KCNIP4: variants seen among roughly 807,000 people sequenced by gnomAD.
KCNIP4 encodes Kv channel-interacting protein 4.
In KCNIP4, 12 loss-of-function variants were observed where a neutral mutation model predicts 34.0. The observed-to-expected ratio is 0.35, with a 90% CI of 0.23 to 0.57. The LOEUF is 0.57. Among genes scored for constraint, KCNIP4 ranks in the 20% least tolerant of loss-of-function variants. The pLI is 0.83. For missense variants in KCNIP4, 238 were observed against 311.7 expected (o/e 0.76, Z 1.78); for synonymous variants, 124 against 102.2 (o/e 1.21, Z -1.29).
chr4:21,519,393 T>TAC (rs1219118032), intron 1 of KCNIP4, among the ~76,000 whole-genome samples: 3,856 of 85,370 alleles, frequency 0.045, 428 homozygotes, highest in Non-Finnish European at 0.06. Flanking sequence ...TGTGTATATA[T>TAC]ACATATGTGT....
intron 1 of KCNIP4, among the ~76,000 whole-genome samples, chr4:21,534,932 C>G (rs1737022849): frequency 6.6e-6 from 1 of 152,128 alleles, no homozygotes. Flanking sequence ...TTGAATTGTT[C>G]AAGGTCAAAC....
rs144440285 is a variant in KCNIP4, at chr4:21,137,871, C to CTTTTTTTTTTTTTT, written c.62-255163_62-255162insAAAAAAAAAAAAAA. 4.1e-4 allele frequency among the ~76,000 whole-genome samples: 48 copies of CTTTTTTTTTTTTTT among 118,136 alleles called. 5 individuals are homozygous for CTTTTTTTTTTTTTT. Among genetic ancestry groups the CTTTTTTTTTTTTTT allele is most frequent in the Non-Finnish European group, 4.9e-4 (29 of 59,710 alleles). The allele number at this position is 118,136 out of a possible 152,430, so 77.5% of individuals were successfully genotyped here. Reference sequence around the variant, plus strand: ...ATGAAGGCTTTTTCCCTTACACAGGCTTTTTTGTTTTTTTTTTTTTGATGG... The same window carrying CTTTTTTTTTTTTTT: ...ATGAAGGCTTTTTCCCTTACACAGGCTTTTTTTTTTTTTTTTTTTTGTTTTTTTTTTTTTGATGG... On this transcript the variant is annotated intron_variant, in intron 1 of 8. Coordinates refer to ENST00000382152, the MANE Select transcript of KCNIP4 (RefSeq NM_025221.6).
chr4:21,239,061 A>G (rs1157323481), intron 1 of KCNIP4, among the ~76,000 whole-genome samples: 1 of 152,216 alleles, frequency 6.6e-6, no homozygotes, highest in South Asian at 2.1e-4. Context: ...AGCCCTCAGA[A>G]ATAATGCTGC....
chr4:21,688,752 G>C (rs1380025267), intron 1 of KCNIP4, among the ~76,000 whole-genome samples: 2 of 152,070 alleles, frequency 1.3e-5, no homozygotes, highest in East Asian at 3.9e-4. Context: ...CAATCGGGTT[G>C]TCTGGACCAT....
At chr4:21,503,619 G>C (rs751756219) in intron 1 of KCNIP4, among the ~76,000 whole-genome samples, 3 of 152,152 alleles carry the variant, frequency 2.0e-5, no homozygotes, top group Non-Finnish European at 4.4e-5. Flanking sequence ...AAGGTAGTCA[G>C]TGGCTGAAAT....
intron 1 of KCNIP4, among the ~76,000 whole-genome samples, chr4:20,908,786 G>C (rs902119921): frequency 6.6e-6 from 1 of 152,172 alleles, no homozygotes; most frequent in African/African-American, 2.4e-5. Context: ...TGCTGCTAAG[G>C]CTCAGTTTCC....
chr4:21,444,475 G>A (rs1376589779), intron 1 of KCNIP4, among the ~76,000 whole-genome samples: 3 of 152,074 alleles, frequency 2.0e-5, no homozygotes, highest in Non-Finnish European at 4.4e-5. Context: ...TTCAACATAC[G>A]CAAATCAGTA....
intron 1 of KCNIP4, among the ~76,000 whole-genome samples, chr4:21,554,721 TC>T (rs1238056557): frequency 6.6e-6 from 1 of 152,068 alleles, no homozygotes; most frequent in Non-Finnish European, 1.5e-5. Context: ...CACTCACACT[TC>T]CTCCATGCTC....
At chr4:21,533,774 A>G (rs1442896766) in intron 1 of KCNIP4, among the ~76,000 whole-genome samples, 1 of 152,194 alleles carries the variant, frequency 6.6e-6, no homozygotes, top group Non-Finnish European at 1.5e-5. Flanking sequence ...GATGTAAAAG[A>G]AATGAATCTG....
At chr4:21,855,099 C>A (rs1413170875) in intron 1 of KCNIP4, among the ~76,000 whole-genome samples, 1 of 152,198 alleles carries the variant, frequency 6.6e-6, no homozygotes, top group Non-Finnish European at 1.5e-5. Flanking sequence ...TAAACATCGT[C>A]TTTAAGCAAC....
chr4:21,293,069 T>C (rs1331939577), intron 1 of KCNIP4, among the ~76,000 whole-genome samples: 2 of 152,188 alleles, frequency 1.3e-5, no homozygotes, highest in African/African-American at 4.8e-5. Flanking sequence ...AGGACATGGA[T>C]AGATAACCAT....
intron 1 of KCNIP4, among the ~76,000 whole-genome samples, chr4:20,937,349 C>T (rs1188905683): frequency 6.7e-6 from 1 of 150,262 alleles, no homozygotes; most frequent in Non-Finnish European, 1.5e-5. Context: ...ATTCTCCTGC[C>T]TCAGCCTCCC....
chr4:21,153,463 C>T (rs1421367400), intron 1 of KCNIP4, among the ~76,000 whole-genome samples: 2 of 148,962 alleles, frequency 1.3e-5, no homozygotes, highest in East Asian at 3.9e-4. Flanking sequence ...CTCTCTCTCT[C>T]TCTTTATATA....
chr4:21,748,973 T>G (rs1178805144), intron 1 of KCNIP4, among the ~76,000 whole-genome samples: 1 of 152,164 alleles, frequency 6.6e-6, no homozygotes, highest in Non-Finnish European at 1.5e-5. Context: ...ATACTGCTTT[T>G]ATAACATTCC....
chr4:21,391,522 C>T (rs1310820772), intron 1 of KCNIP4, among the ~76,000 whole-genome samples: 1 of 152,140 alleles, frequency 6.6e-6, no homozygotes, highest in Non-Finnish European at 1.5e-5. Flanking sequence ...CCTAAATGCA[C>T]ATCTTTGATG....
intron 1 of KCNIP4, among the ~76,000 whole-genome samples, chr4:21,658,143 G>A (rs1748125632): frequency 6.6e-6 from 1 of 152,020 alleles, no homozygotes; most frequent in Non-Finnish European, 1.5e-5. Context: ...CAGCCTAAAT[G>A]TAATTTTATT....
chr4:20,996,587 C>A (rs1422017149), intron 1 of KCNIP4, among the ~76,000 whole-genome samples: 1 of 152,158 alleles, frequency 6.6e-6, no homozygotes, highest in Non-Finnish European at 1.5e-5. Flanking sequence ...TCTCCTTATT[C>A]TTTTCTCTTT....
intron 2 of KCNIP4, 48 bp downstream of exon 2, chr4:20,882,560 C>T (rs540881280): frequency 8.2e-5 from 113 of 1,378,078 alleles, no homozygotes; most frequent in Non-Finnish European, 1.0e-4. Flanking sequence ...CCTAAAGAAA[C>T]GAAACAAGAG....
intron 1 of KCNIP4, among the ~76,000 whole-genome samples, chr4:21,704,849 C>A (rs1457849615): frequency 6.6e-6 from 1 of 152,024 alleles, no homozygotes; most frequent in African/African-American, 2.4e-5. Flanking sequence ...CAAAACCTAG[C>A]AATTGTACTC....
Sources: gnomAD v4.1 joint callset for allele counts (sites outside exome capture counted in the v4.1 genomes callset) on GRCh38, gnomAD v4.1.1 for gene constraint, MANE v1.5 for transcripts, NCBI Gene and HGNC (gene_info 2026-07-23, HGNC 2026-07-21) for gene names.